KPNB1: variants seen among roughly 807,000 people sequenced by gnomAD.
The protein encoded by KPNB1 is importin subunit beta-1.
In KPNB1, 7 loss-of-function variants were observed where a neutral mutation model predicts 113.0. The ratio of observed to expected loss-of-function variants is 0.06; its 90% confidence interval spans 0.04 to 0.12. The LOEUF (loss-of-function observed/expected upper bound fraction) is 0.12. Among genes scored for constraint, KPNB1 ranks in the 10% least tolerant of loss-of-function variants. KPNB1 has a pLI of 1.00. For missense variants in KPNB1, 400 were observed against 1,054.8 expected (o/e 0.38, Z 8.60); for synonymous variants, 363 against 378.6 (o/e 0.96, Z 0.48).
intron 3 of KPNB1, among the ~76,000 whole-genome samples, chr17:47,656,330 A>G (rs1188629431): frequency 1.3e-5 from 2 of 151,996 alleles, no homozygotes; most frequent in African/African-American, 4.8e-5. Context: ...GCACTTTGGG[A>G]GGCCAGGAAT....
rs945235642 is a variant in KPNB1 at position 47,661,318 on chromosome 17, G to A, written c.696+140G>A. On this transcript the variant is annotated intron_variant, in intron 6 of 21. Coordinates refer to ENST00000290158, the MANE Select transcript of KPNB1 (RefSeq NM_002265.6). ...TATTGTTACTAATAATTAATATTCT[G>A]GCTGGGCATGGTGGCTCACACCTGT... 1.4e-5 allele frequency: 10 copies of A among 715,316 alleles called. No individual in the cohort carries two copies. In the African/African-American group the frequency reaches 1.4e-4, roughly 10 times the overall value. The allele number at this position is 715,316 out of a possible 1,614,324, so 44.3% of individuals were successfully genotyped here.
At chr17:47,651,172 G>T (rs1377371973) in intron 2 of KPNB1, 2 of 980,822 alleles carry the variant, frequency 2.0e-6, no homozygotes, top group Admixed American at 1.2e-4. Flanking sequence ...ACAGGGGAAA[G>T]TTCCTCGTTT....
rs200275684 is a variant in KPNB1 at position 47,672,402 on chromosome 17, A to AT, written c.1548-605dup. Among the ~76,000 whole-genome samples the AT allele has an allele frequency of 6.7e-4, 99 of 146,918 alleles. 1 individual carries two copies. Among genetic ancestry groups the AT allele is most frequent in the African/African-American group, 1.7e-3 (68 of 40,170 alleles). On this transcript the variant is annotated intron_variant, in intron 12 of 21. Transcript: ENST00000290158. ...TTAAATGAATGAAGAAAATTGGGGT[A>AT]TTTTTTTTTTTCTGGGACGGAGTTT...
At position 47,682,497 on chromosome 17, in the gene KPNB1, A is replaced by T. The variant is rs2030814393; in HGVS notation, c.*93A>T. 1 of 771,074 alleles carries T rather than the reference A, an allele frequency of 1.3e-6. No individual in the cohort carries two copies. The highest frequency in any genetic ancestry group is 2.4e-6 in the Non-Finnish European group (1 of 414,472). The allele number at this position is 771,074 out of a possible 1,614,324, so 47.8% of individuals were successfully genotyped here. ...AAGTGAGGAGTGTGCACGGATGCTG[A>T]ATGTTTGGGAATGAGAGGATGAGTG... On this transcript the variant is annotated 3_prime_UTR_variant, in exon 22 of 22. Coordinates refer to ENST00000290158, the MANE Select transcript of KPNB1 (RefSeq NM_002265.6).
At chr17:47,661,206 G>C (rs753489108) in intron 6 of KPNB1, 28 bp downstream of exon 6, 1 of 1,549,604 alleles carries the variant, frequency 6.5e-7, no homozygotes, top group Non-Finnish European at 8.9e-7. Context: ...TGAAAAATCT[G>C]TCTTACATCT....
Position 47,685,070 on chromosome 17 carries a change from A to G in KPNB1, c.*2666A>G, listed in dbSNP as rs2030902716. 6.6e-6 allele frequency: 1 copy of G among 152,170 alleles called. No homozygotes were observed. The highest frequency in any genetic ancestry group is 1.5e-5 in the Non-Finnish European group (1 of 68,040). The allele number at this position is 152,170 out of a possible 1,614,324, so 9.4% of individuals were successfully genotyped here. On this transcript the variant is annotated 3_prime_UTR_variant, in exon 22 of 22. Coordinates refer to ENST00000290158, the MANE Select transcript of KPNB1 (RefSeq NM_002265.6). ...GCATCGGACTAGGCTTTGGTTTGCC[A>G]CAAGTGGCAGCTGCCTGTATCAATT...
At chr17:47,674,181 A>G (rs1266315881) in intron 14 of KPNB1, among the ~76,000 whole-genome samples, 1 of 152,192 alleles carries the variant, frequency 6.6e-6, no homozygotes, top group African/African-American at 2.4e-5. Flanking sequence ...TGATGGGAGA[A>G]GTCAGGTTGG....
Position 47,649,950 on chromosome 17 carries a change from C to T in KPNB1, c.-295C>T, listed in dbSNP as rs1322160489. 1.6e-5 allele frequency: 21 copies of T among 1,316,122 alleles called. No homozygotes were observed. Among genetic ancestry groups the T allele is most frequent in the South Asian group, 8.4e-5 (4 of 47,446 alleles). 81.5% of individuals were successfully genotyped at this position (1,316,122 alleles called of 1,614,324 possible). Reference sequence around the variant, plus strand: ...CTGCGCGCCGCCTCTCACTCACAGCCTCCCTTCCTTCTTTCTCCCTCCGCC... The same window carrying T: ...CTGCGCGCCGCCTCTCACTCACAGCTTCCCTTCCTTCTTTCTCCCTCCGCC... On this transcript the variant is annotated 5_prime_UTR_variant, in exon 1 of 22. Coordinates refer to ENST00000290158, the MANE Select transcript of KPNB1 (RefSeq NM_002265.6).
intron 19 of KPNB1, among the ~76,000 whole-genome samples, chr17:47,679,492 T>G (rs545879104): frequency 6.6e-5 from 10 of 152,304 alleles, no homozygotes; most frequent in Admixed American, 5.2e-4. Flanking sequence ...TTCTTCTATA[T>G]TTGCCTATAG....
rs1167121906 is a variant in KPNB1 at position 47,650,367 on chromosome 17, C to G, written c.41-19C>G. The G allele has an allele frequency of 1.9e-6, 3 of 1,611,596 alleles. No individual in the cohort carries two copies. Among genetic ancestry groups the G allele is most frequent in the Non-Finnish European group, 2.5e-6 (3 of 1,179,378 alleles). ...CGGCCCCTCTGACCCCGCTCCGTCT[C>G]CCACTTTCCTCCCCCTAGATCGGCT... On this transcript the variant is annotated intron_variant, in intron 1 of 21. Transcript: ENST00000290158.
At chr17:47,652,597 C>A in intron 2 of KPNB1, 97 bp from the exon 3 acceptor site, 1 of 940,168 alleles carries the variant, frequency 1.1e-6, no homozygotes, top group Non-Finnish European at 1.5e-6. Context: ...AGTTCCCCCC[C>A]TCGCCGCCCC....
At chr17:47,681,686 G>GTTTTTTTTTT (rs59222945) in intron 21 of KPNB1, among the ~76,000 whole-genome samples, 1,064 of 96,108 alleles carry the variant, frequency 0.011, 4 homozygotes, top group Middle Eastern at 0.012. Context: ...GGAATTATAG[G>GTTTTTTTTTT]TTTTTTTTTT....
At chr17:47,661,681 G>A (rs979297923) in intron 6 of KPNB1, among the ~76,000 whole-genome samples, 1 of 152,160 alleles carries the variant, frequency 6.6e-6, no homozygotes, top group Admixed American at 6.5e-5. Flanking sequence ...TGCCAGTGTG[G>A]TGGCTCACAC....
chr17:47,683,688 C>G lies in KPNB1; in HGVS notation c.*1284C>G, dbSNP rs2030863893. 6.7e-6 allele frequency: 1 copy of G among 150,236 alleles called. No individual in the cohort carries two copies. Among genetic ancestry groups the G allele is most frequent in the African/African-American group, 2.5e-5 (1 of 40,464 alleles). 9.3% of individuals were successfully genotyped at this position (150,236 alleles called of 1,614,324 possible). On this transcript the variant is annotated 3_prime_UTR_variant, in exon 22 of 22. Transcript: ENST00000290158. Reference sequence around the variant, plus strand: ...ATTGACTACAATGCGGTATTGGTCTCTTGCTGCACTTCAAAAGCAACCAAC... The same window carrying G: ...ATTGACTACAATGCGGTATTGGTCTGTTGCTGCACTTCAAAAGCAACCAAC...
chr17:47,669,638 A>C, intron 10 of KPNB1, 40 bp from the exon 11 acceptor site: 2 of 1,446,564 alleles, frequency 1.4e-6, no homozygotes, highest in Non-Finnish European at 1.9e-6. Flanking sequence ...CATGAATTTT[A>C]ATCTTTGTTT....
chr17:47,678,399 A>G lies in KPNB1; in HGVS notation c.2339A>G (p.Gln780Arg), dbSNP rs767584375. The change falls in exon 19 of 22, where the codon CAG (glutamine) becomes CGG (arginine). Residue 780 changes from glutamine to arginine, a missense_variant. Physicochemically the swap from Gln to Arg is conservative, Grantham distance 43. Transcript: ENST00000290158. ...ATCGTCCAGGGATTAAAGGGGGATC[A>G]GGAGAACGTACACCGTTGAGTATAC... ...TGIVQGLKGD[Q>R]ENVHPDVMLV... The G allele has an allele frequency of 1.1e-5, 18 of 1,613,010 alleles. No homozygotes were observed. The highest frequency in any genetic ancestry group is 1.4e-5 in the Non-Finnish European group (17 of 1,179,078).
Position 47,680,491 on chromosome 17 carries a change from G to A in KPNB1, c.2469-17G>A. The A allele has an allele frequency of 8.7e-6, 14 of 1,613,764 alleles. No individual in the cohort carries two copies. The highest frequency in any genetic ancestry group is 1.2e-5 in the Non-Finnish European group (14 of 1,179,740). On this transcript the variant is annotated splice_polypyrimidine_tract_variant and intron_variant, in intron 20 of 21. Transcript: ENST00000290158. ...TGGGGCTAGGAGCTCATTCTCAGCT[G>A]TGTTTGTTTTGCACAGGGACTTATG...
intron 11 of KPNB1, 119 bp from the exon 12 acceptor site, chr17:47,670,583 A>G: frequency 2.1e-6 from 2 of 958,728 alleles, no homozygotes; most frequent in South Asian, 3.7e-5. Context: ...TCTTGAGATG[A>G]CCTTGGCAGA....
chr17:47,666,193 C>T (rs1217142967), intron 9 of KPNB1, among the ~76,000 whole-genome samples: 2 of 151,948 alleles, frequency 1.3e-5, no homozygotes, highest in African/African-American at 2.4e-5. Context: ...GCTGGAAGTA[C>T]AGGTGCGCAC....
Sources: gnomAD v4.1 joint callset for allele counts (sites outside exome capture counted in the v4.1 genomes callset) on GRCh38, gnomAD v4.1.1 for gene constraint, MANE v1.5 for transcripts, NCBI Gene and HGNC (gene_info 2026-07-23, HGNC 2026-07-21) for gene names.